The following EPM2A variants were observed in gnomAD, a reference collection of about 807,000 sequenced individuals.
The protein encoded by EPM2A is EPM2A glucan phosphatase, laforin, also known as laforin.
Under a neutral mutation model 26.5 loss-of-function variants are expected in EPM2A, and 21 were observed. The ratio of observed to expected loss-of-function variants is 0.79; its 90% CI spans 0.56 to 1.14. The LOEUF is 1.14. Ranked by LOEUF, EPM2A falls within the 50% of genes most tolerant of loss-of-function variation. EPM2A has a pLI of 0.00. For missense variants in EPM2A, 458 were observed against 440.8 expected (o/e 1.04, Z -0.35); for synonymous variants, 217 against 177.6 (o/e 1.22, Z -1.76).
At chr6:145,424,859 T>C (rs755219477) in intron 4 of EPM2A, among the ~76,000 whole-genome samples, 4 of 152,204 alleles carry the variant, frequency 2.6e-5, no homozygotes, top group Non-Finnish European at 5.9e-5. Context: ...ATAGATTTCC[T>C]AGTAACCCCC....
intron 2 of EPM2A, among the ~76,000 whole-genome samples, chr6:145,523,348 G>A (rs1339761412): frequency 6.6e-6 from 1 of 152,132 alleles, no homozygotes; most frequent in Non-Finnish European, 1.5e-5. Flanking sequence ...TGCAGATACT[G>A]AATTTTTGCA....
intron 2 of EPM2A, among the ~76,000 whole-genome samples, chr6:145,591,347 G>A (rs749799950): frequency 6.6e-6 from 1 of 152,044 alleles, no homozygotes; most frequent in Non-Finnish European, 1.5e-5. Context: ...CATACATCAA[G>A]GACGGTCAGA....
chr6:145,686,197 C>A lies in EPM2A; in HGVS notation c.401G>T (p.Gly134Val), dbSNP rs1319016567. The part of the protein sequence containing the change: ...LPIGHWIEAT[G>V]HTNEMKHTTD... ...TGTGTGCTTCATTTCATTGGTGTGCCCAGTGGCCTCAATCCAGTGTCCTAT... is the reference window on the plus strand; with the variant it reads ...TGTGTGCTTCATTTCATTGGTGTGCACAGTGGCCTCAATCCAGTGTCCTAT... The change falls in exon 2 of 4, where the codon GGG becomes GTG. Residue 134 changes from glycine (G) to valine (V), a missense_variant. Transcript: ENST00000367519. 6.2e-7 allele frequency: 1 copy of A among 1,613,688 alleles called. No homozygotes were observed. The highest frequency in any genetic ancestry group is 1.7e-5 in the Admixed American group (1 of 59,978).
At chr6:145,627,760 C>A in intron 3 of EPM2A, 67 bp from the exon 4 acceptor site, 1 of 1,582,246 alleles carries the variant, frequency 6.3e-7, no homozygotes, top group South Asian at 1.1e-5. Flanking sequence ...CTGAGGTCTC[C>A]TCCAGCACAG....
chr6:145,412,350 C>T (rs1778655742), intron 4 of EPM2A, among the ~76,000 whole-genome samples: 1 of 152,096 alleles, frequency 6.6e-6, no homozygotes, highest in African/African-American at 2.4e-5. Context: ...TACACACATT[C>T]CTCACAAATA....
At chr6:145,604,835 C>G (rs965945701) in intron 2 of EPM2A, among the ~76,000 whole-genome samples, 3 of 152,044 alleles carry the variant, frequency 2.0e-5, no homozygotes, top group Admixed American at 6.6e-5. Flanking sequence ...GAAAATGTCC[C>G]TTAGTCAACA....
intron 4 of EPM2A, among the ~76,000 whole-genome samples, chr6:145,422,771 T>C (rs1016940083): frequency 7.2e-5 from 11 of 152,106 alleles, no homozygotes; most frequent in Admixed American, 4.6e-4. Flanking sequence ...TATTCCCCTA[T>C]TCCTTAGGTT....
chr6:145,583,729 C>G (rs1012855332), intron 2 of EPM2A, among the ~76,000 whole-genome samples: 2 of 152,248 alleles, frequency 1.3e-5, no homozygotes, highest in South Asian at 4.1e-4. Context: ...ACAGACGCAT[C>G]CATGCATGCA....
At chr6:145,442,192 C>A (rs1399274035) in intron 4 of EPM2A, among the ~76,000 whole-genome samples, 1 of 152,180 alleles carries the variant, frequency 6.6e-6, no homozygotes, top group Admixed American at 6.5e-5. Context: ...AACTTTCCCA[C>A]ATGTTCCTGT....
intron 4 of EPM2A, among the ~76,000 whole-genome samples, chr6:145,393,950 A>G (rs919086243): frequency 6.6e-6 from 1 of 151,728 alleles, no homozygotes; most frequent in African/African-American, 2.4e-5. Context: ...CAGCCTCCCA[A>G]GCAGCTGGGA....
intron 3 of EPM2A, chr6:145,628,104 A>G (rs1453563728): frequency 4.4e-6 from 1 of 228,636 alleles, no homozygotes; most frequent in South Asian, 7.2e-5. Flanking sequence ...AATTTCAGTA[A>G]ATCCAAAAGT....
At position 145,505,156 on chromosome 6, in the gene EPM2A, T is replaced by C. The variant is rs532377620; in HGVS notation, c.341-2581A>G. On this transcript the variant is annotated intron_variant, in intron 2 of 3. Transcript: ENST00000450221. ...ATATACCTAATGCTAGATGACGCGT[T>C]AGTGGGTGCAGTGCACCAGCATGGC... Among the ~76,000 whole-genome samples, 918 of 145,088 alleles carry C rather than the reference T, an allele frequency of 6.3e-3. 3 individuals are homozygous for C. Among genetic ancestry groups the C allele is most frequent in the Non-Finnish European group, 8.7e-3 (575 of 66,118 alleles).
chr6:145,703,342 C>T lies in EPM2A; in HGVS notation c.302-17046G>A, dbSNP rs543211687. ...TCCTGACCTTGTGATCTGCCCGCCT[C>T]GACCTCCCAAAGTGCTGGGATTACA... On this transcript the variant is annotated intron_variant, in intron 1 of 3. Transcript: ENST00000367519. 1.1e-4 allele frequency among the ~76,000 whole-genome samples: 16 copies of T among 152,116 alleles called. No individual in the cohort carries two copies. In the East Asian group the frequency reaches 2.3e-3, roughly 22 times the overall value.
intron 2 of EPM2A, among the ~76,000 whole-genome samples, chr6:145,506,849 T>C (rs1016415291): frequency 6.6e-6 from 1 of 152,198 alleles, no homozygotes; most frequent in African/African-American, 2.4e-5. Flanking sequence ...TGGCCCACTC[T>C]TCAGTTCCTG....
At chr6:145,385,689 G>A (rs1236613895) in intron 4 of EPM2A, among the ~76,000 whole-genome samples, 1 of 152,020 alleles carries the variant, frequency 6.6e-6, no homozygotes, top group East Asian at 1.9e-4. Context: ...AGACTTTCCA[G>A]TCTTAAAAAA....
chr6:145,662,717 CA>C (rs1185946301), intron 2 of EPM2A, among the ~76,000 whole-genome samples: 1 of 152,242 alleles, frequency 6.6e-6, no homozygotes, highest in Non-Finnish European at 1.5e-5. Context: ...AAAGTCATGT[CA>C]GGGGGATCAG....
intron 1 of EPM2A, among the ~76,000 whole-genome samples, chr6:145,691,495 A>G (rs538051098): frequency 6.6e-6 from 1 of 152,260 alleles, no homozygotes; most frequent in African/African-American, 2.4e-5. Flanking sequence ...GAAGATGTCT[A>G]AACAAAAAGA....
At chr6:145,508,281 A>C (rs552355471) in intron 2 of EPM2A, among the ~76,000 whole-genome samples, 91 of 152,314 alleles carry the variant, frequency 6.0e-4, no homozygotes, top group African/African-American at 2.0e-3. Flanking sequence ...GCATGAGCTG[A>C]GGGAGGGTGC....
intron 2 of EPM2A, among the ~76,000 whole-genome samples, chr6:145,664,136 A>G (rs1211744005): frequency 1.2e-5 from 1 of 84,684 alleles, no homozygotes; most frequent in Non-Finnish European, 2.3e-5. Flanking sequence ...CTAACATCAT[A>G]ATGACAGGAT....
Sources: allele counts gnomAD v4.1 joint callset (sites outside exome capture counted in the v4.1 genomes callset), GRCh38; gene constraint gnomAD v4.1.1; transcripts MANE v1.5; gene names NCBI Gene and HGNC (gene_info 2026-07-23, HGNC 2026-07-21).